The following ART1 variants were observed in gnomAD, a reference collection of about 807,000 sequenced individuals.
ART1 encodes ADP-ribosyltransferase 1, also known as GPI-linked NAD(P)(+)--arginine ADP-ribosyltransferase 1.
Under a neutral mutation model 27.0 loss-of-function variants are expected in ART1, and 29 were observed. That is an observed-to-expected ratio of 1.08 (90% CI 0.80 to 1.47). The LOEUF is 1.47. Ranked by LOEUF, ART1 falls within the 40% of genes most tolerant of loss-of-function variation. The pLI, the probability that ART1 is intolerant of heterozygous loss-of-function variation, is 0.00. For synonymous variants in ART1, 201 were observed against 172.2 expected, an observed-to-expected ratio of 1.17 and a Z score of -1.31; for missense variants, 480 against 423.0, an observed-to-expected ratio of 1.13 and a Z score of -1.18.
At chr11:3,655,044 A>C (rs779503122) in intron 1 of ART1, among the ~76,000 whole-genome samples, 27 of 152,168 alleles carry the variant, frequency 1.8e-4, no homozygotes, top group Non-Finnish European at 5.9e-5. Flanking sequence ...TCCCAGGCTC[A>C]TGGTCTTTGG....
chr11:3,653,578 A>G (rs1008925335), intron 1 of ART1, among the ~76,000 whole-genome samples: 117 of 152,246 alleles, frequency 7.7e-4, no homozygotes, highest in Middle Eastern at 6.8e-3. Flanking sequence ...TCAGGTGATT[A>G]AAAGCTTTAT....
rs1373036092 is a variant in ART1, at chr11:3,664,087, T to C, written c.887-5T>C. 6 of 1,613,556 alleles carry C rather than the reference T, an allele frequency of 3.7e-6. No homozygotes were observed. In the African/African-American group the frequency reaches 4.0e-5, roughly 11 times the overall value. ...CCCCAACCTCTCTGCCTGTTTTCCC[T>C]GCAGCCATGGGTCAGAGCCCCCTCT... On this transcript the variant is annotated splice_polypyrimidine_tract_variant and splice_region_variant and intron_variant, in intron 4 of 4. Coordinates refer to ENST00000250693, the MANE Select transcript of ART1 (RefSeq NM_004314.3).
chr11:3,650,605 G>T (rs1018350361), intron 1 of ART1, among the ~76,000 whole-genome samples: 31 of 152,174 alleles, frequency 2.0e-4, no homozygotes, highest in Admixed American at 1.3e-3. Context: ...AGGCTTCTAA[G>T]CCTCTTAAAA....
intron 1 of ART1, among the ~76,000 whole-genome samples, chr11:3,647,474 A>G (rs552150899): frequency 3.9e-5 from 6 of 152,004 alleles, no homozygotes; most frequent in Non-Finnish European, 8.8e-5. Context: ...CTTCTCAACT[A>G]AATACAAAAA....
At chr11:3,649,525 T>A (rs2077500236) in intron 1 of ART1, among the ~76,000 whole-genome samples, 1 of 151,988 alleles carries the variant, frequency 6.6e-6, no homozygotes, top group African/African-American at 2.4e-5. Flanking sequence ...TGTCGCTGAG[T>A]CTTTCTAATC....
intron 1 of ART1, among the ~76,000 whole-genome samples, chr11:3,648,959 C>A (rs962195971): frequency 6.6e-6 from 1 of 151,286 alleles, no homozygotes; most frequent in African/African-American, 2.4e-5. Flanking sequence ...ACCTCTGTGC[C>A]CCAATCCCTT....
At chr11:3,647,364 G>A (rs376891214) in intron 1 of ART1, among the ~76,000 whole-genome samples, 4 of 150,742 alleles carry the variant, frequency 2.7e-5, no homozygotes, top group East Asian at 2.0e-4. Context: ...GGCTGGGTGC[G>A]GTGGCTCAGG....
chr11:3,650,893 A>G (rs1434290868), intron 1 of ART1, among the ~76,000 whole-genome samples: 2 of 138,994 alleles, frequency 1.4e-5, no homozygotes, highest in African/African-American at 5.1e-5. Context: ...CCATCCCATT[A>G]AAACCTAATC....
intron 1 of ART1, among the ~76,000 whole-genome samples, chr11:3,652,918 C>G (rs554351247): frequency 6.7e-6 from 1 of 149,568 alleles, no homozygotes; most frequent in African/African-American, 2.5e-5. Context: ...ATTCTTAGAC[C>G]TTTTATACCT....
chr11:3,656,048 T>C (rs1418547378), intron 1 of ART1, among the ~76,000 whole-genome samples: 1 of 149,502 alleles, frequency 6.7e-6, no homozygotes, highest in Non-Finnish European at 1.5e-5. Context: ...TTCTTCTGCC[T>C]CAGCTTCCCG....
chr11:3,652,283 C>T (rs2077529925), intron 1 of ART1, among the ~76,000 whole-genome samples: 1 of 151,170 alleles, frequency 6.6e-6, no homozygotes, highest in Non-Finnish European at 1.5e-5. Context: ...CATTTCTTCC[C>T]TTCTGTCAGA....
chr11:3,645,364 T>TG (rs2077463963), intron 1 of ART1, among the ~76,000 whole-genome samples, 185 bp downstream of exon 1: 1 of 152,066 alleles, frequency 6.6e-6, no homozygotes, highest in South Asian at 2.1e-4. Flanking sequence ...TGGGGAGATT[T>TG]GGGGTCACAT....
chr11:3,647,953 A>AG (rs2077483406), intron 1 of ART1, among the ~76,000 whole-genome samples: 1 of 144,400 alleles, frequency 6.9e-6, no homozygotes, highest in Non-Finnish European at 1.5e-5. Flanking sequence ...AAGAGGTGTC[A>AG]GGCCTCTGAG....
chr11:3,648,630 C>T (rs923782825), intron 1 of ART1, among the ~76,000 whole-genome samples: 9 of 152,282 alleles, frequency 5.9e-5, no homozygotes, highest in Middle Eastern at 3.4e-3. Context: ...ACTCCGGCGC[C>T]GGTCACGGAC....
Position 3,659,950 on chromosome 11 carries a change from ACTACCTCC to A in ART1, c.432_439del (p.His144GlnfsTer14), listed in dbSNP as rs1407359104. 6.2e-7 allele frequency: 1 copy of A among 1,613,830 alleles called. No individual in the cohort carries two copies. Among genetic ancestry groups the A allele is most frequent in the South Asian group, 1.1e-5 (1 of 91,068 alleles). ...CGTGAGGCGGGCCGCTCCCGGGCCC[ACTACCTCC>A]ACCACTTCTCCTTCAAGACACTCCA... On this transcript the variant is annotated frameshift_variant, in exon 3 of 5. Coordinates refer to ENST00000250693, the MANE Select transcript of ART1 (RefSeq NM_004314.3). LOFTEE classifies it high-confidence loss of function.
chr11:3,649,252 T>C (rs1221427814), intron 1 of ART1, among the ~76,000 whole-genome samples: 4 of 152,148 alleles, frequency 2.6e-5, no homozygotes, highest in Non-Finnish European at 5.9e-5. Flanking sequence ...ACCTAAAACC[T>C]AAATGCCTTA....
chr11:3,646,111 C>G (rs186725893), intron 1 of ART1, among the ~76,000 whole-genome samples: 1 of 151,578 alleles, frequency 6.6e-6, no homozygotes, highest in African/African-American at 2.4e-5. Flanking sequence ...TGATTTTCAT[C>G]TCTGCATTTT....
chr11:3,659,135 A>G (rs2077597273), intron 1 of ART1, 27 bp from the exon 2 acceptor site: 2 of 1,354,354 alleles, frequency 1.5e-6, no homozygotes, highest in African/African-American at 2.9e-5. Context: ...TTATTAAACT[A>G]TACAGATTAA....
Sources: allele counts gnomAD v4.1 joint callset (sites outside exome capture counted in the v4.1 genomes callset), GRCh38; gene constraint gnomAD v4.1.1; transcripts MANE v1.5; gene names NCBI Gene and HGNC (gene_info 2026-07-23, HGNC 2026-07-21).